DLG1: variants seen among roughly 807,000 people sequenced by gnomAD.
The protein encoded by DLG1 is discs large MAGUK scaffold protein 1, also known as disks large homolog 1.
DLG1 carries 42 observed loss-of-function variants against 123.4 expected under a neutral mutation model. The observed-to-expected ratio is 0.34, with a 90% CI of 0.27 to 0.44. The LOEUF (loss-of-function observed/expected upper bound fraction) is 0.44. Among genes scored for constraint, DLG1 ranks in the 20% least tolerant of loss-of-function variants. The pLI is 1.00. For synonymous variants in DLG1, 317 were observed against 356.2 expected, an observed-to-expected ratio of 0.89 and a Z score of 1.24; for missense variants, 942 against 1,082.6, an observed-to-expected ratio of 0.87 and a Z score of 1.82.
At chr3:197,239,153 A>G (rs1001644530) in intron 4 of DLG1, among the ~76,000 whole-genome samples, 1 of 152,180 alleles carries the variant, frequency 6.6e-6, no homozygotes, top group African/African-American at 2.4e-5. Flanking sequence ...CATTTCAATC[A>G]ATTCTAGAGA....
At chr3:197,113,133 T>C (rs1771054377) in intron 13 of DLG1, among the ~76,000 whole-genome samples, 1 of 152,246 alleles carries the variant, frequency 6.6e-6, no homozygotes, top group Non-Finnish European at 1.5e-5. Context: ...TAGCACCATT[T>C]GTTAAAAAGA....
intron 13 of DLG1, among the ~76,000 whole-genome samples, chr3:197,109,092 C>G (rs1204024870): frequency 6.6e-6 from 1 of 152,164 alleles, no homozygotes. Flanking sequence ...TGGTTCTAGA[C>G]TGTAATCCCA....
At chr3:197,088,688 C>A (rs184335501) in intron 15 of DLG1, among the ~76,000 whole-genome samples, 4 of 152,242 alleles carry the variant, frequency 2.6e-5, no homozygotes, top group Non-Finnish European at 4.4e-5. Flanking sequence ...ATAGAAAAAA[C>A]CTGAACTATC....
At chr3:197,227,846 C>G (rs1304045705) in intron 4 of DLG1, among the ~76,000 whole-genome samples, 2 of 152,188 alleles carry the variant, frequency 1.3e-5, no homozygotes, top group East Asian at 3.8e-4. Flanking sequence ...ATTACCCTGA[C>G]AGGTAAATAA....
chr3:197,072,173 G>GT (rs1744364489), intron 18 of DLG1, among the ~76,000 whole-genome samples: 1 of 152,020 alleles, frequency 6.6e-6, no homozygotes, highest in Non-Finnish European at 1.5e-5. Flanking sequence ...CTTCCCAACT[G>GT]TAAGACATTT....
chr3:197,057,831 T>C (rs536467220), intron 23 of DLG1, among the ~76,000 whole-genome samples: 80 of 152,276 alleles, frequency 5.3e-4, no homozygotes, highest in African/African-American at 1.9e-3. Flanking sequence ...CCTTCTTTCT[T>C]TTCTTGATCA....
intron 4 of DLG1, among the ~76,000 whole-genome samples, chr3:197,234,649 G>A (rs973445813): frequency 6.6e-6 from 1 of 152,092 alleles, no homozygotes; most frequent in Non-Finnish European, 1.5e-5. Context: ...AATACAAACT[G>A]GGGGAACAAA....
intron 4 of DLG1, among the ~76,000 whole-genome samples, chr3:197,256,206 TTGTC>T (rs1425056837): frequency 1.3e-5 from 2 of 152,238 alleles, no homozygotes; most frequent in Non-Finnish European, 2.9e-5. Flanking sequence ...TTAGCAAACA[TTGTC>T]TGTAAAAGTC....
Position 197,279,915 on chromosome 3 carries a change from G to A in DLG1, c.318+2764C>T, listed in dbSNP as rs555861149. The stretch of plus-strand genomic sequence containing the variant: ...ATAGGGTACATGCGATATTTGGTAC[G>A]TGCATACAATGTGTAATGGTCAAAT... On this transcript the variant is annotated intron_variant, in intron 4 of 24. Coordinates refer to ENST00000667157, the MANE Select transcript of DLG1 (RefSeq NM_001366207.1). Among the ~76,000 whole-genome samples, 21 of 152,144 alleles carry A rather than the reference G, an allele frequency of 1.4e-4. No individual in the cohort carries two copies. The South Asian group carries it at 1.7e-3, about 12-fold the overall frequency.
chr3:197,051,049 G>A (rs1280132201), intron 24 of DLG1, among the ~76,000 whole-genome samples: 1 of 152,096 alleles, frequency 6.6e-6, no homozygotes, highest in East Asian at 1.9e-4. Flanking sequence ...TGTTTTTGTT[G>A]TTCTAATCAA....
In DLG1 at chr3:197,055,419, T is replaced by A. The variant is rs534465284; in HGVS notation, c.2484-3751A>T. 4.6e-4 allele frequency among the ~76,000 whole-genome samples: 70 copies of A among 152,368 alleles called. 1 individual carries two copies. The South Asian group carries it at 0.014, about 31-fold the overall frequency. On this transcript the variant is annotated intron_variant, in intron 23 of 24. Transcript: ENST00000667157. ...CTGTTTCTTCGTATGTCTTGTGATT[T>A]TTTTGTGGGAAACTACACATTTAAA...
chr3:197,087,073 A>C (rs921897166), intron 15 of DLG1, among the ~76,000 whole-genome samples: 2 of 151,818 alleles, frequency 1.3e-5, no homozygotes, highest in African/African-American at 4.8e-5. Flanking sequence ...CCTACTACCC[A>C]ACCCAAGACT....
chr3:197,173,593 C>G (rs1257224003), intron 5 of DLG1, among the ~76,000 whole-genome samples: 2 of 152,092 alleles, frequency 1.3e-5, no homozygotes, highest in African/African-American at 4.8e-5. Flanking sequence ...ATTGTTACCA[C>G]TACATTTTAC....
At chr3:197,052,618 G>A (rs1423472316) in intron 23 of DLG1, among the ~76,000 whole-genome samples, 1 of 152,256 alleles carries the variant, frequency 6.6e-6, no homozygotes, top group East Asian at 1.9e-4. Flanking sequence ...TGATACTTTT[G>A]ACTTTGATGA....
chr3:197,095,183 C>T (rs1289738137), intron 14 of DLG1, among the ~76,000 whole-genome samples: 1 of 152,110 alleles, frequency 6.6e-6, no homozygotes, highest in Non-Finnish European at 1.5e-5. Flanking sequence ...AGCAATTTGC[C>T]TTCTTGATGT....
chr3:197,196,313 C>T (rs1372301727), intron 4 of DLG1, among the ~76,000 whole-genome samples: 2 of 151,902 alleles, frequency 1.3e-5, no homozygotes, highest in South Asian at 4.2e-4. Context: ...ATCTGGCTTA[C>T]ATCAACATTA....
intron 3 of DLG1, among the ~76,000 whole-genome samples, chr3:197,294,645 G>A (rs1231444703): frequency 1.3e-4 from 17 of 132,102 alleles, no homozygotes; most frequent in African/African-American, 5.0e-4. Context: ...GTGACAGAGT[G>A]AGACTCTGCC....
chr3:197,097,183 T>A (rs547702022), intron 14 of DLG1, among the ~76,000 whole-genome samples: 1 of 152,368 alleles, frequency 6.6e-6, no homozygotes, highest in East Asian at 1.9e-4. Context: ...GAAAGGGAAC[T>A]ACAGCTGGTT....
At chr3:197,059,217 GC>G in intron 23 of DLG1, among the ~76,000 whole-genome samples, 1 of 152,114 alleles carries the variant, frequency 6.6e-6, no homozygotes, top group East Asian at 1.9e-4. Flanking sequence ...GAGCCACTGT[GC>G]CCAGCCATGA....
Sources: allele counts gnomAD v4.1 joint callset (sites outside exome capture counted in the v4.1 genomes callset), GRCh38; gene constraint gnomAD v4.1.1; transcripts MANE v1.5; gene names NCBI Gene and HGNC (gene_info 2026-07-23, HGNC 2026-07-21).